The following BAZ2B variants were observed in gnomAD, a reference collection of about 807,000 sequenced individuals.
BAZ2B encodes bromodomain adjacent to zinc finger domain protein 2B.
Under a neutral mutation model 246.0 loss-of-function variants are expected in BAZ2B, and 91 were observed. The observed-to-expected ratio is 0.37, with a 90% CI of 0.31 to 0.44. BAZ2B has a LOEUF of 0.44. Among genes scored for constraint, BAZ2B ranks in the 20% least tolerant of loss-of-function variants. The pLI is 1.00. For synonymous variants in BAZ2B, 855 were observed against 860.0 expected (o/e 0.99, Z 0.10); for missense variants, 2,332 against 2,533.7 (o/e 0.92, Z 1.71).
At chr2:159,581,449 T>C (rs1686756391) in intron 1 of BAZ2B, among the ~76,000 whole-genome samples, 1 of 152,042 alleles carries the variant, frequency 6.6e-6, no homozygotes, top group Admixed American at 6.5e-5. Flanking sequence ...TGTGGAGAAA[T>C]AGGAACACTT....
At chr2:159,566,240 A>C (rs1018865885) in intron 1 of BAZ2B, among the ~76,000 whole-genome samples, 9 of 151,996 alleles carry the variant, frequency 5.9e-5, no homozygotes, top group Non-Finnish European at 1.5e-5. Context: ...CGAACTCCTG[A>C]CCTCAGGTTA....
intron 10 of BAZ2B, among the ~76,000 whole-genome samples, chr2:159,429,588 C>G (rs1180901046): frequency 2.6e-5 from 4 of 151,956 alleles, no homozygotes. Context: ...TTCAGAAAAT[C>G]TATTTAAACT....
chr2:159,707,332 G>A, the BAZ2B span, among the ~76,000 whole-genome samples: 1 of 151,146 alleles, frequency 6.6e-6, no homozygotes, highest in African/African-American at 2.4e-5. Flanking sequence ...GGAGGGTCTG[G>A]GAGGCCAGGA....
At chr2:159,524,690 T>C (rs2084535034) in intron 2 of BAZ2B, among the ~76,000 whole-genome samples, 1 of 152,232 alleles carries the variant, frequency 6.6e-6, no homozygotes, top group Non-Finnish European at 1.5e-5. Context: ...GTTTATTCTG[T>C]AGTATTTTAA....
intron 2 of BAZ2B, among the ~76,000 whole-genome samples, chr2:159,535,478 C>A (rs13401774): frequency 0.031 from 4,755 of 152,218 alleles, 254 homozygotes; most frequent in African/African-American, 0.11. Context: ...GCCAAGATTG[C>A]GCCATTGCAC....
intron 6 of BAZ2B, among the ~76,000 whole-genome samples, chr2:159,442,682 G>A (rs1054207072): frequency 6.6e-6 from 1 of 152,070 alleles, no homozygotes. Context: ...GCTAGCCACT[G>A]GCAACAATCA....
At chr2:159,684,713 A>C in the BAZ2B span, among the ~76,000 whole-genome samples, 17 of 152,188 alleles carry the variant, frequency 1.1e-4, no homozygotes, top group African/African-American at 4.1e-4. Context: ...CATACTCTTA[A>C]GTGTCACTAA....
chr2:159,653,933 T>A, the BAZ2B span, among the ~76,000 whole-genome samples: 1 of 152,172 alleles, frequency 6.6e-6, no homozygotes, highest in Admixed American at 6.6e-5. Context: ...TAATCTCAAA[T>A]TCTTCCACAT....
At chr2:159,592,705 A>G (rs1689685534) in intron 1 of BAZ2B, among the ~76,000 whole-genome samples, 1 of 152,174 alleles carries the variant, frequency 6.6e-6, no homozygotes, top group South Asian at 2.1e-4. Context: ...GCCAAGAACT[A>G]TATGAGCTTG....
chr2:159,467,644 T>G (rs922226785), intron 3 of BAZ2B, among the ~76,000 whole-genome samples: 1 of 152,100 alleles, frequency 6.6e-6, no homozygotes, highest in African/African-American at 2.4e-5. Flanking sequence ...TAGGAAAAAA[T>G]TTTTTTAAAT....
chr2:159,545,858 C>T (rs1399268772), intron 2 of BAZ2B, among the ~76,000 whole-genome samples: 1 of 152,132 alleles, frequency 6.6e-6, no homozygotes, highest in Non-Finnish European at 1.5e-5. Flanking sequence ...TTTTGTGAAA[C>T]ACCCTCCACC....
At chr2:159,321,835 CACA>C (rs1382698025) in intron 36 of BAZ2B, 2 of 152,070 alleles carry the variant, frequency 1.3e-5, no homozygotes, top group Non-Finnish European at 2.9e-5. Flanking sequence ...TATGTGACAG[CACA>C]ACAAGGAGAC....
chr2:159,545,967 C>T (rs1315211765), intron 2 of BAZ2B, among the ~76,000 whole-genome samples: 1 of 152,082 alleles, frequency 6.6e-6, no homozygotes, highest in Non-Finnish European at 1.5e-5. Flanking sequence ...AAATACAATA[C>T]CAAAACAATT....
intron 2 of BAZ2B, among the ~76,000 whole-genome samples, chr2:159,535,238 C>T (rs958041044): frequency 7.0e-6 from 1 of 143,352 alleles, no homozygotes; most frequent in African/African-American, 3.0e-5. Flanking sequence ...AAAAATACAC[C>T]TGGCTGGGCG....
the BAZ2B span, among the ~76,000 whole-genome samples, chr2:159,654,990 T>C: frequency 6.6e-6 from 1 of 152,202 alleles, no homozygotes; most frequent in Non-Finnish European, 1.5e-5. Flanking sequence ...TTATTTTTCA[T>C]GTGCTTGGTT....
At chr2:159,486,564 A>C (rs4665075) in intron 2 of BAZ2B, among the ~76,000 whole-genome samples, 120,936 of 150,818 alleles carry the variant, frequency 0.8, 48,933 homozygotes, top group Non-Finnish European at 0.86. Context: ...GAATACCGTG[A>C]AAAAAATGTG....
rs768118619 is a variant in BAZ2B, at chr2:159,319,636, C to T, written c.*629G>A. Reference sequence around the variant, plus strand: ...CAATTTAACTACACAAGTGATGCAGCAACATATATATATAAATGTACTTGT... The same window carrying T: ...CAATTTAACTACACAAGTGATGCAGTAACATATATATATAAATGTACTTGT... On this transcript the variant is annotated 3_prime_UTR_variant, in exon 37 of 37. Transcript: ENST00000392783. The surrounding 1 kb of genome is among the most constrained non-coding windows in gnomAD (Gnocchi z 4.0). 3.9e-5 allele frequency: 6 copies of T among 152,544 alleles called. No homozygotes were observed. The highest frequency in any genetic ancestry group is 8.8e-5 in the Non-Finnish European group (6 of 68,008). The allele number at this position is 152,544 out of a possible 1,614,324, so 9.4% of individuals were successfully genotyped here. A position where few individuals can be genotyped will look rare whatever the true frequency, so the allele number is the denominator to read the frequency against.
At chr2:159,663,633 C>A in the BAZ2B span, among the ~76,000 whole-genome samples, 1 of 151,860 alleles carries the variant, frequency 6.6e-6, no homozygotes, top group South Asian at 2.1e-4. Context: ...GATTCTCCTG[C>A]CTCAGCCTCC....
intron 8 of BAZ2B, 125 bp from the exon 9 acceptor site, chr2:159,433,488 T>G: frequency 2.3e-6 from 2 of 866,282 alleles, no homozygotes; most frequent in East Asian, 5.5e-5. Flanking sequence ...AATCATGATA[T>G]ACAAATGCTG....
Sources: gnomAD v4.1 joint callset for allele counts (sites outside exome capture counted in the v4.1 genomes callset) on GRCh38, gnomAD v4.1.1 for gene constraint, Gnocchi (gnomAD v3.1) non-coding constraint, MANE v1.5 for transcripts, NCBI Gene and HGNC (gene_info 2026-07-23, HGNC 2026-07-21) for gene names.